The following ZC3H12B variants were observed in gnomAD, a reference collection of about 807,000 sequenced individuals.
The protein encoded by ZC3H12B is zinc finger CCCH-type containing 12B, also known as probable ribonuclease ZC3H12B.
ZC3H12B carries 7 observed loss-of-function variants against 43.9 expected under a neutral mutation model. The observed-to-expected ratio is 0.16, with a 90% CI of 0.09 to 0.30. The LOEUF is 0.30. Ranked by LOEUF, ZC3H12B falls within the 10% of genes least tolerant of loss-of-function variation. The probability of loss-of-function intolerance (pLI) is 1.00; values close to 1 mark genes in which losing one functional copy is unlikely to be tolerated. For synonymous variants in ZC3H12B, 222 were observed against 241.7 expected (o/e 0.92, Z 0.76); for missense variants, 475 against 670.2 (o/e 0.71, Z 3.22).
the ZC3H12B span, among the ~76,000 whole-genome samples, chrX:65,118,154 A>G: frequency 9.0e-6 from 1 of 111,402 alleles, no homozygotes; most frequent in Non-Finnish European, 1.9e-5. Context: ...ACCTTGGGCA[A>G]TATGGCCATT....
At chrX:65,452,622 A>C (rs971213234) in intron 3 of ZC3H12B, among the ~76,000 whole-genome samples, 19 of 111,381 alleles carry the variant, frequency 1.7e-4, no homozygotes, top group Non-Finnish European at 1.3e-4. Flanking sequence ...GGGTGGATCA[A>C]CTGAGGTCAG....
the ZC3H12B span, among the ~76,000 whole-genome samples, chrX:65,073,627 G>A: frequency 4.5e-5 from 5 of 112,137 alleles, no homozygotes; most frequent in South Asian, 3.7e-4. Flanking sequence ...GCTGCACTTC[G>A]CTATATTCCC....
At chrX:65,051,971 A>G in the ZC3H12B span, among the ~76,000 whole-genome samples, 1 of 110,470 alleles carries the variant, frequency 9.1e-6, no homozygotes, top group African/African-American at 3.3e-5. Flanking sequence ...TATCTCAAAG[A>G]CCAGTTTTTT....
chrX:65,494,530 C>T (rs976805370), intron 1 of ZC3H12B, among the ~76,000 whole-genome samples: 3 of 111,165 alleles, frequency 2.7e-5, no homozygotes, highest in Non-Finnish European at 5.6e-5. Context: ...CGCCTGTAAT[C>T]CCGGCACTTT....
At chrX:65,228,491 T>C in the ZC3H12B span, among the ~76,000 whole-genome samples, 10 of 110,952 alleles carry the variant, frequency 9.0e-5, no homozygotes, top group Non-Finnish European at 1.5e-4. Flanking sequence ...GGATGCCCTC[T>C]CTCACCACTC....
the ZC3H12B span, among the ~76,000 whole-genome samples, chrX:65,137,259 T>C: frequency 2.7e-5 from 3 of 112,374 alleles, no homozygotes; most frequent in African/African-American, 6.4e-5. Flanking sequence ...TTTATTTTGA[T>C]TTTAAATTTA....
the ZC3H12B span, among the ~76,000 whole-genome samples, chrX:65,051,909 G>A: frequency 9.1e-6 from 1 of 110,364 alleles, no homozygotes; most frequent in Non-Finnish European, 1.9e-5. Flanking sequence ...GCTGTCTTGG[G>A]ACCAGGTGGC....
chrX:65,234,920 G>A, the ZC3H12B span, among the ~76,000 whole-genome samples: 4 of 111,675 alleles, frequency 3.6e-5, no homozygotes, highest in Non-Finnish European at 5.6e-5. Flanking sequence ...CAGCTTCCAC[G>A]TATAACTGAG....
Position 65,497,112 on chromosome X carries a change from TTA to T in ZC3H12B, c.609-18_609-17del. 8.5e-7 allele frequency: 1 copy of T among 1,182,635 alleles called. No individual in the cohort carries two copies. The highest frequency in any genetic ancestry group is 1.1e-6 in the Non-Finnish European group (1 of 885,558). The stretch of plus-strand genomic sequence containing the variant: ...TATCTATTATCAATCTTCTCTCCTC[TTA>T]TTCTGTATCTTCCTAAGCCATGGGA... On this transcript the variant is annotated intron_variant, in intron 1 of 4. Coordinates refer to ENST00000338957, the Ensembl canonical transcript of ZC3H12B.
At chrX:65,093,985 G>A in the ZC3H12B span, among the ~76,000 whole-genome samples, 51 of 111,311 alleles carry the variant, frequency 4.6e-4, no homozygotes, top group Non-Finnish European at 9.1e-4. Flanking sequence ...TGGAGGTGGG[G>A]CCTGGTGAGA....
chrX:65,230,611 C>CAA, the ZC3H12B span, among the ~76,000 whole-genome samples: 45 of 49,324 alleles, frequency 9.1e-4, no homozygotes, highest in African/African-American at 3.1e-3. Flanking sequence ...CCCCCAGCGC[C>CAA]AAAAAAAAAA....
chrX:65,446,027 G>A (rs776067992), intron 3 of ZC3H12B, among the ~76,000 whole-genome samples: 1 of 111,287 alleles, frequency 9.0e-6, no homozygotes, highest in South Asian at 3.8e-4. Context: ...TACTGCTGAT[G>A]TTTATTCAAG....
At chrX:65,330,376 C>A in the ZC3H12B span, among the ~76,000 whole-genome samples, 1 of 111,406 alleles carries the variant, frequency 9.0e-6, no homozygotes, top group Non-Finnish European at 1.9e-5. Flanking sequence ...TTCCTCTTTT[C>A]CTAATTGAAT....
the ZC3H12B span, among the ~76,000 whole-genome samples, chrX:65,115,846 A>G: frequency 3.6e-5 from 4 of 111,564 alleles, no homozygotes. Flanking sequence ...GGCCATTTGT[A>G]TGTCTTCTTT....
the ZC3H12B span, among the ~76,000 whole-genome samples, chrX:65,320,934 CT>C: frequency 8.9e-6 from 1 of 112,288 alleles, no homozygotes; most frequent in Non-Finnish European, 1.9e-5. Context: ...AAACCAAAAA[CT>C]ATGAAAACTC....
At chrX:65,244,885 G>T in the ZC3H12B span, among the ~76,000 whole-genome samples, 2 of 110,993 alleles carry the variant, frequency 1.8e-5, no homozygotes, top group Non-Finnish European at 3.8e-5. Context: ...AAACTTTTCA[G>T]TGTTTTACCA....
chrX:65,067,066 C>T, the ZC3H12B span, among the ~76,000 whole-genome samples: 8 of 111,281 alleles, frequency 7.2e-5, no homozygotes, highest in Non-Finnish European at 1.5e-4. Context: ...TGGATCATAG[C>T]TTGCTTTGCT....
chrX:65,458,541 CA>C (rs1468567533), intron 3 of ZC3H12B, among the ~76,000 whole-genome samples: 1 of 111,985 alleles, frequency 8.9e-6, no homozygotes, highest in Non-Finnish European at 1.9e-5. Context: ...AACTAGAACT[CA>C]GGATTAAGAA....
the ZC3H12B span, among the ~76,000 whole-genome samples, chrX:65,160,412 G>C: frequency 1.8e-5 from 2 of 111,883 alleles, no homozygotes; most frequent in South Asian, 3.8e-4. Context: ...TGGTTGGTAA[G>C]CTATTGATTA....
Sources: gnomAD v4.1 joint callset for allele counts (sites outside exome capture counted in the v4.1 genomes callset) on GRCh38, gnomAD v4.1.1 for gene constraint, MANE v1.5 for transcripts, NCBI Gene and HGNC (gene_info 2026-07-23, HGNC 2026-07-21) for gene names.